ARID5B: variants seen among roughly 807,000 people sequenced by gnomAD.
ARID5B encodes AT-rich interactive domain-containing protein 5B.
In ARID5B, 13 loss-of-function variants were observed where a neutral mutation model predicts 97.2. The observed-to-expected ratio is 0.13, with a 90% CI of 0.09 to 0.21. The LOEUF is 0.21. Among genes scored for constraint, ARID5B ranks in the 10% least tolerant of loss-of-function variants. The pLI, the probability that ARID5B is intolerant of heterozygous loss-of-function variation, is 1.00. For missense variants in ARID5B, 1,210 were observed against 1,465.3 expected (o/e 0.83, Z 2.84); for synonymous variants, 556 against 570.3 (o/e 0.97, Z 0.36).
chr10:61,906,007 C>G lies in ARID5B; in HGVS notation c.276+3594C>G, dbSNP rs146599150. 1.4e-4 allele frequency among the ~76,000 whole-genome samples: 21 copies of G among 152,222 alleles called. No individual in the cohort carries two copies. The East Asian group carries it at 2.7e-3, about 20-fold the overall frequency. Reference sequence around the variant, plus strand: ...AGTCACATTTTGATTCTGCAGCTTGCTATTTGCTTAATCTTGAACAACCAT... The same window carrying G: ...AGTCACATTTTGATTCTGCAGCTTGGTATTTGCTTAATCTTGAACAACCAT... On this transcript the variant is annotated intron_variant, in intron 2 of 9. Transcript: ENST00000279873.
Position 61,902,406 on chromosome 10 carries a change from A to G in ARID5B, c.269A>G (p.His90Arg), listed in dbSNP as rs1843631127. The change falls in exon 2 of 10, where the codon CAT (histidine) becomes CGT (arginine). Residue 90 changes from histidine (H) to arginine (R), a missense_variant. Transcript: ENST00000279873. Reference sequence around the variant, plus strand: ...ACTCCCCAGGGCAGAAATAGCGACCATGGCGAGGTGGTAAACCTGTCTGTC... The same window carrying G: ...ACTCCCCAGGGCAGAAATAGCGACCGTGGCGAGGTGGTAAACCTGTCTGTC... The part of the protein sequence containing the change: ...EDTPQGRNSD[H>R]GEDEVIAVSE... The G allele has an allele frequency of 6.2e-7, 1 of 1,613,904 alleles. No homozygotes were observed. The highest frequency in any genetic ancestry group is 8.5e-7 in the Non-Finnish European group (1 of 1,179,880).
chr10:62,075,437 C>T (rs1197661173), intron 8 of ARID5B, among the ~76,000 whole-genome samples: 1 of 152,226 alleles, frequency 6.6e-6, no homozygotes, highest in Non-Finnish European at 1.5e-5. Flanking sequence ...ATACAGCGCC[C>T]TGCAGTGGGA....
chr10:61,925,622 T>C (rs1365487307), intron 2 of ARID5B, among the ~76,000 whole-genome samples: 1 of 152,154 alleles, frequency 6.6e-6, no homozygotes, highest in African/African-American at 2.4e-5. Flanking sequence ...CTGTGTAAGT[T>C]GTCTTTTATT....
chr10:62,041,296 T>C (rs1291614119), intron 4 of ARID5B, among the ~76,000 whole-genome samples: 1 of 152,142 alleles, frequency 6.6e-6, no homozygotes, highest in East Asian at 1.9e-4. Flanking sequence ...CAAATGAAGC[T>C]CAGAGACCAC....
At chr10:61,926,114 T>A (rs1844101477) in intron 2 of ARID5B, among the ~76,000 whole-genome samples, 1 of 152,230 alleles carries the variant, frequency 6.6e-6, no homozygotes, top group Admixed American at 6.5e-5. Context: ...TACTTCAGAG[T>A]CTATCTTCAT....
chr10:62,064,541 G>C (rs1276869738), intron 7 of ARID5B, among the ~76,000 whole-genome samples: 2 of 152,164 alleles, frequency 1.3e-5, no homozygotes, highest in African/African-American at 4.8e-5. Flanking sequence ...CAAAGATAGA[G>C]AAATCAAGGC....
chr10:62,011,954 A>C (rs1839223177), intron 4 of ARID5B, among the ~76,000 whole-genome samples: 1 of 152,132 alleles, frequency 6.6e-6, no homozygotes, highest in South Asian at 2.1e-4. Flanking sequence ...TCTTCCATAA[A>C]CCAGATGCTC....
At chr10:61,935,635 T>A (rs1469030554) in intron 2 of ARID5B, among the ~76,000 whole-genome samples, 3 of 152,176 alleles carry the variant, frequency 2.0e-5, no homozygotes, top group Non-Finnish European at 4.4e-5. Context: ...GTCTGTATCC[T>A]GACAATATAG....
intron 8 of ARID5B, among the ~76,000 whole-genome samples, chr10:62,079,256 G>A (rs931708751): frequency 2.0e-5 from 3 of 147,824 alleles, no homozygotes; most frequent in Non-Finnish European, 4.6e-5. Flanking sequence ...GACTAGCAGA[G>A]GCAGGCAGTT....
At chr10:61,937,741 A>C (rs1465067918) in intron 2 of ARID5B, among the ~76,000 whole-genome samples, 1 of 152,190 alleles carries the variant, frequency 6.6e-6, no homozygotes, top group East Asian at 1.9e-4. Flanking sequence ...AAGAATGGTG[A>C]GTATTAGGAA....
At chr10:62,012,943 A>G (rs994206509) in intron 4 of ARID5B, among the ~76,000 whole-genome samples, 2 of 152,192 alleles carry the variant, frequency 1.3e-5, no homozygotes, top group African/African-American at 4.8e-5. Context: ...TATGTATAAT[A>G]TATAATTAAT....
At chr10:62,059,346 C>G in intron 7 of ARID5B, 51 bp downstream of exon 7, 1 of 1,533,874 alleles carries the variant, frequency 6.5e-7, no homozygotes, top group Non-Finnish European at 9.0e-7. Flanking sequence ...TAACTTTTCC[C>G]CTCTCTTTGA....
chr10:62,075,796 A>G (rs1840123931), intron 8 of ARID5B, among the ~76,000 whole-genome samples: 2 of 152,220 alleles, frequency 1.3e-5, no homozygotes, highest in South Asian at 4.1e-4. Flanking sequence ...GGGCAGTGTC[A>G]GTCTATCAAC....
chr10:61,948,698 A>G (rs1269575128), intron 3 of ARID5B, among the ~76,000 whole-genome samples: 1 of 151,990 alleles, frequency 6.6e-6, no homozygotes, highest in East Asian at 1.9e-4. Flanking sequence ...TAACTCATTT[A>G]TATTGCAGGA....
At chr10:61,959,462 C>G (rs1838440022) in intron 3 of ARID5B, among the ~76,000 whole-genome samples, 1 of 152,116 alleles carries the variant, frequency 6.6e-6, no homozygotes, top group Non-Finnish European at 1.5e-5. Context: ...TCAAAAAAAC[C>G]TATAAATTGG....
intron 2 of ARID5B, among the ~76,000 whole-genome samples, chr10:61,914,261 C>T (rs1010239265): frequency 1.3e-5 from 2 of 152,228 alleles, no homozygotes; most frequent in Non-Finnish European, 2.9e-5. Context: ...CTTATGCGAA[C>T]ATCTGATACT....
chr10:62,073,333 T>G (rs2132959441), intron 8 of ARID5B, among the ~76,000 whole-genome samples: 1 of 152,370 alleles, frequency 6.6e-6, no homozygotes, highest in East Asian at 1.9e-4. Context: ...CGTTTTCATT[T>G]TACAACAAGA....
At chr10:62,060,466 T>C (rs1319574436) in intron 7 of ARID5B, among the ~76,000 whole-genome samples, 2 of 152,236 alleles carry the variant, frequency 1.3e-5, no homozygotes, top group Non-Finnish European at 2.9e-5. Flanking sequence ...GGACTACATA[T>C]AAAATGTGCA....
In ARID5B at chr10:62,052,267, G is replaced by A. The variant is rs147218699; in HGVS notation, c.846+1267G>A. Reference sequence around the variant, plus strand: ...TGGATGCCATGAATGACATTTTCTTGTAAGTTGGACACCTCAGCCCTAGAA... The same window carrying A: ...TGGATGCCATGAATGACATTTTCTTATAAGTTGGACACCTCAGCCCTAGAA... On this transcript the variant is annotated intron_variant, in intron 5 of 9. Transcript: ENST00000279873. 6.1e-3 allele frequency among the ~76,000 whole-genome samples: 932 copies of A among 152,244 alleles called. 9 individuals are homozygous for A. The highest frequency in any genetic ancestry group is 0.021 in the African/African-American group (877 of 41,534).
Sources: allele counts gnomAD v4.1 joint callset (sites outside exome capture counted in the v4.1 genomes callset), GRCh38; gene constraint gnomAD v4.1.1; transcripts MANE v1.5; gene names NCBI Gene and HGNC (gene_info 2026-07-23, HGNC 2026-07-21).